ATG3: variants seen among roughly 807,000 people sequenced by gnomAD.
ATG3 encodes ubiquitin-like-conjugating enzyme ATG3.
Under a neutral mutation model 50.7 loss-of-function variants are expected in ATG3, and 25 were observed. The ratio of observed to expected loss-of-function variants is 0.49; its 90% CI spans 0.36 to 0.69. ATG3 has a LOEUF of 0.69. Ranked by LOEUF, ATG3 falls within the 30% of genes least tolerant of loss-of-function variation. The probability of loss-of-function intolerance (pLI) is 0.00; values close to 1 mark genes in which losing one functional copy is unlikely to be tolerated. For synonymous variants in ATG3, 119 were observed against 125.5 expected (o/e 0.95, Z 0.34); for missense variants, 281 against 376.0 (o/e 0.75, Z 2.09).
rs770176073 is a variant in ATG3, at chr3:112,536,457, A to C, written c.794+18T>G. 2.5e-6 allele frequency: 4 copies of C among 1,607,886 alleles called. No individual in the cohort carries two copies. The highest frequency in any genetic ancestry group is 3.4e-6 in the Non-Finnish European group (4 of 1,174,410). The stretch of plus-strand genomic sequence containing the variant: ...TACAATCACATCAAAAAATATATTT[A>C]TCTCTACATATACAGACCTGCATGG... On this transcript the variant is annotated intron_variant, in intron 10 of 11. Coordinates refer to ENST00000283290, the MANE Select transcript of ATG3 (RefSeq NM_022488.5).
intron 5 of ATG3, 104 bp downstream of exon 5, chr3:112,548,429 A>G: frequency 9.7e-7 from 1 of 1,032,430 alleles, no homozygotes; most frequent in Non-Finnish European, 1.4e-6. Flanking sequence ...CTATTGGGAC[A>G]AAACTATGCC....
chr3:112,554,616 C>T (rs961267775), intron 2 of ATG3, among the ~76,000 whole-genome samples: 3 of 152,214 alleles, frequency 2.0e-5, no homozygotes, highest in Admixed American at 1.3e-4. Flanking sequence ...TACACATGGA[C>T]GCATGTGACA....
intron 9 of ATG3, among the ~76,000 whole-genome samples, chr3:112,537,086 A>C (rs1933078065): frequency 6.6e-6 from 1 of 152,064 alleles, no homozygotes; most frequent in African/African-American, 2.4e-5. Context: ...GAAATTTTAC[A>C]ATTTATTAAT....
chr3:112,547,581 A>G (rs1397673922), intron 5 of ATG3, among the ~76,000 whole-genome samples: 2 of 152,256 alleles, frequency 1.3e-5, no homozygotes, highest in Admixed American at 1.3e-4. Context: ...GCATGTACAT[A>G]GTTATATAAA....
At position 112,554,721 on chromosome 3, in the gene ATG3, A is replaced by T. The variant is rs111732492; in HGVS notation, c.115-1392T>A. 8.7e-3 allele frequency among the ~76,000 whole-genome samples: 1,323 copies of T among 152,374 alleles called. 16 individuals are homozygous for T. The highest frequency in any genetic ancestry group is 0.03 in the African/African-American group (1,260 of 41,586). ...TTACTACACAGCAAAAAATTACAAA[A>T]TATTTAATCTCTAATACCTTTGAGA... On this transcript the variant is annotated intron_variant, in intron 2 of 11. Coordinates refer to ENST00000283290, the MANE Select transcript of ATG3 (RefSeq NM_022488.5).
chr3:112,560,029 A>C (rs570610500), intron 1 of ATG3, among the ~76,000 whole-genome samples: 18 of 152,166 alleles, frequency 1.2e-4, no homozygotes, highest in Non-Finnish European at 1.8e-4. Context: ...TTTCCTTTTT[A>C]CTAAAGACAT....
chr3:112,560,964 G>A (rs749118075), intron 1 of ATG3, among the ~76,000 whole-genome samples: 10 of 152,140 alleles, frequency 6.6e-5, no homozygotes, highest in Non-Finnish European at 1.0e-4. Flanking sequence ...TCCTTCCTCT[G>A]AAATCTAAAC....
rs1283108679 is a variant in ATG3, at chr3:112,561,681, G to A, written c.-153C>T. 2.7e-6 allele frequency: 2 copies of A among 742,194 alleles called. No homozygotes were observed. Among genetic ancestry groups the A allele is most frequent in the Non-Finnish European group, 4.3e-6 (2 of 469,398 alleles). 46.0% of individuals were successfully genotyped at this position (742,194 alleles called of 1,614,324 possible). On this transcript the variant is annotated 5_prime_UTR_variant, in exon 1 of 12. Transcript: ENST00000283290. ...GGACGGGACGCGACGCGACGGGACGGGCGGGACGAGGGGGCGGGGCGGCAG... is the reference window on the plus strand; with the variant it reads ...GGACGGGACGCGACGCGACGGGACGAGCGGGACGAGGGGGCGGGGCGGCAG...
chr3:112,549,853 A>G (rs968048135), intron 4 of ATG3, among the ~76,000 whole-genome samples: 4 of 151,966 alleles, frequency 2.6e-5, no homozygotes, highest in East Asian at 3.9e-4. Context: ...GTGTCCTTCA[A>G]TGACACAACG....
At chr3:112,539,753 A>G (rs776952169) in intron 7 of ATG3, among the ~76,000 whole-genome samples, 95 of 152,352 alleles carry the variant, frequency 6.2e-4, no homozygotes, top group South Asian at 1.9e-3. Context: ...AATTACCTTT[A>G]TATTAGATAC....
intron 6 of ATG3, 54 bp downstream of exon 6, chr3:112,544,003 A>AGATG: frequency 7.5e-7 from 1 of 1,332,516 alleles, no homozygotes; most frequent in Non-Finnish European, 1.1e-6. Context: ...ATAGATAGAT[A>AGATG]GATAGGCAAA....
chr3:112,532,748 G>C lies in ATG3; in HGVS notation c.896C>G (p.Ala299Gly). The C allele has an allele frequency of 6.3e-7, 1 of 1,599,100 alleles. No homozygotes were observed. The highest frequency in any genetic ancestry group is 2.3e-5 in the East Asian group (1 of 44,370). The part of the protein sequence containing the change: ...YLLIFLKFVQ[A>G]VIPTIEYDYT... ...GTCATATTCTATTGTTGGAATGACAGCTTGTACAAATTTCAAGAAAATAAG... is the reference window on the plus strand; with the variant it reads ...GTCATATTCTATTGTTGGAATGACACCTTGTACAAATTTCAAGAAAATAAG... Residue 299 changes from alanine (A) to glycine (G), a missense_variant, in exon 12 of 12, where the codon GCT becomes GGT. Transcript: ENST00000283290.
intron 2 of ATG3, among the ~76,000 whole-genome samples, chr3:112,557,440 A>G (rs1933718606): frequency 6.6e-6 from 1 of 152,204 alleles, no homozygotes; most frequent in Admixed American, 6.5e-5. Context: ...CAACATGGTG[A>G]AACCCCATCT....
In ATG3 at chr3:112,532,610, T is replaced by C. The variant is rs190006214; in HGVS notation, c.*89A>G. ...AGTCCCTTATTAGAGAAACTGTATA[T>C]ATTGATGAATATGGTCAATGGTCAC... On this transcript the variant is annotated 3_prime_UTR_variant, in exon 12 of 12. Transcript: ENST00000283290. 4 of 955,026 alleles carry C rather than the reference T, an allele frequency of 4.2e-6. No individual in the cohort carries two copies. The African/African-American group carries it at 6.8e-5, about 16-fold the overall frequency. 59.2% of individuals were successfully genotyped at this position (955,026 alleles called of 1,614,324 possible). A position where few individuals can be genotyped will look rare whatever the true frequency, so the allele number is the denominator to read the frequency against.
In ATG3 at chr3:112,561,822, G is replaced by C. The variant is rs1181141135; in HGVS notation, c.-294C>G. On this transcript the variant is annotated 5_prime_UTR_variant, in exon 1 of 12. Transcript: ENST00000283290. ...GCAGCGGGGCCGAAGGGAGACCTGA[G>C]GTGAGAAGCGGACGCACACGCACCC... 1 of 410,992 alleles carries C rather than the reference G, an allele frequency of 2.4e-6. No individual in the cohort carries two copies. Among genetic ancestry groups the C allele is most frequent in the African/African-American group, 2.2e-5 (1 of 46,308 alleles). The allele number at this position is 410,992 out of a possible 1,614,324, so 25.5% of individuals were successfully genotyped here.
chr3:112,542,053 A>G (rs145149591), intron 6 of ATG3, among the ~76,000 whole-genome samples, 169 bp from the exon 7 acceptor site: 7 of 152,344 alleles, frequency 4.6e-5, no homozygotes, highest in Non-Finnish European at 7.4e-5. Context: ...TATATCAGTC[A>G]TTAAAAGTAA....
chr3:112,561,793 G>A lies in ATG3; in HGVS notation c.-265C>T, dbSNP rs887068062. The A allele has an allele frequency of 8.4e-6, 4 of 474,572 alleles. No individual in the cohort carries two copies. Among genetic ancestry groups the A allele is most frequent in the Admixed American group, 4.3e-5 (1 of 23,066 alleles). The allele number at this position is 474,572 out of a possible 1,614,324, so 29.4% of individuals were successfully genotyped here. A position where few individuals can be genotyped will look rare whatever the true frequency, so the allele number is the denominator to read the frequency against. On this transcript the variant is annotated 5_prime_UTR_variant, in exon 1 of 12. Transcript: ENST00000283290. ...ACCCAGCTGTCACCCAGCCGCGAGG[G>A]AGGGCAGCGGGGCCGAAGGGAGACC...
In ATG3 at chr3:112,561,572, T is replaced by C; in HGVS notation, c.-44A>G. ...GCCGGCCCCGCGACGGGATGGAAAG[T>C]GCAGCCGTGTCAGGGGCCAGGGAGT... On this transcript the variant is annotated 5_prime_UTR_variant, in exon 1 of 12. Transcript: ENST00000283290. 1 of 1,587,030 alleles carries C rather than the reference T, an allele frequency of 6.3e-7. No homozygotes were observed. The highest frequency in any genetic ancestry group is 8.6e-7 in the Non-Finnish European group (1 of 1,165,070).
chr3:112,559,306 A>G (rs1339283618), intron 1 of ATG3, among the ~76,000 whole-genome samples: 1 of 152,200 alleles, frequency 6.6e-6, no homozygotes, highest in African/African-American at 2.4e-5. Flanking sequence ...TATATGTAAG[A>G]TTTTCTGGTA....
Sources: gnomAD v4.1 joint callset for allele counts (sites outside exome capture counted in the v4.1 genomes callset) on GRCh38, gnomAD v4.1.1 for gene constraint, MANE v1.5 for transcripts, NCBI Gene and HGNC (gene_info 2026-07-23, HGNC 2026-07-21) for gene names.